GXYLT2: variants seen among roughly 807,000 people sequenced by gnomAD.
The protein encoded by GXYLT2 is glucoside xylosyltransferase 2, also known as glycosyltransferase 8 domain containing 4.
In GXYLT2, 53 loss-of-function variants were observed where a neutral mutation model predicts 45.8. The observed-to-expected ratio is 1.16, with a 90% CI of 0.93 to 1.46. The LOEUF (loss-of-function observed/expected upper bound fraction) is 1.46. Ranked by LOEUF, GXYLT2 falls within the 40% of genes most tolerant of loss-of-function variation. GXYLT2 has a pLI of 0.00. For missense variants in GXYLT2, 551 were observed against 544.4 expected, an observed-to-expected ratio of 1.01 and a Z score of -0.12; for synonymous variants, 219 against 214.2, an observed-to-expected ratio of 1.02 and a Z score of -0.19.
chr3:72,954,348 C>T (rs1056521380), intron 3 of GXYLT2, among the ~76,000 whole-genome samples: 3 of 150,486 alleles, frequency 2.0e-5, no homozygotes, highest in East Asian at 3.9e-4. Flanking sequence ...CCTCGTGATC[C>T]GCCTGCCTTG....
chr3:72,900,335 A>C (rs931413419), intron 1 of GXYLT2, among the ~76,000 whole-genome samples: 2 of 152,122 alleles, frequency 1.3e-5, no homozygotes, highest in African/African-American at 4.8e-5. Context: ...ATCATTTTTC[A>C]TTTGAGCATG....
At chr3:72,888,992 C>G (rs1242343198) in intron 1 of GXYLT2, among the ~76,000 whole-genome samples, 1 of 152,134 alleles carries the variant, frequency 6.6e-6, no homozygotes, top group Non-Finnish European at 1.5e-5. Flanking sequence ...GACACTTGAC[C>G]TAAGTTTATT....
chr3:72,888,564 C>G, intron 1 of GXYLT2, 56 bp downstream of exon 1: 1 of 1,097,926 alleles, frequency 9.1e-7, no homozygotes, highest in Non-Finnish European at 1.1e-6. Flanking sequence ...GCTCCCTACA[C>G]CCGTGCCAAG....
At chr3:72,892,451 C>T (rs1162691238) in intron 1 of GXYLT2, among the ~76,000 whole-genome samples, 2 of 152,118 alleles carry the variant, frequency 1.3e-5, no homozygotes, top group East Asian at 1.9e-4. Context: ...CCATTTTATT[C>T]CATAGTCATT....
At chr3:72,927,454 C>G (rs1473968960) in intron 3 of GXYLT2, among the ~76,000 whole-genome samples, 1 of 152,152 alleles carries the variant, frequency 6.6e-6, no homozygotes, top group Non-Finnish European at 1.5e-5. Context: ...GTTTTGAAAT[C>G]TGCATGCTTA....
intron 3 of GXYLT2, among the ~76,000 whole-genome samples, chr3:72,931,584 A>C (rs567222653): frequency 2.6e-5 from 4 of 152,226 alleles, no homozygotes; most frequent in African/African-American, 9.6e-5. Context: ...ACTACAAGGG[A>C]AACTACAATG....
intron 3 of GXYLT2, among the ~76,000 whole-genome samples, chr3:72,952,200 A>T (rs1003924080): frequency 6.6e-6 from 1 of 151,830 alleles, no homozygotes; most frequent in African/African-American, 2.4e-5. Context: ...ACAGGGTTTC[A>T]GCATATTGGC....
chr3:72,888,142 A>C lies in GXYLT2; in HGVS notation c.-92A>C, dbSNP rs1709100143. 1.2e-6 allele frequency: 1 copy of C among 867,718 alleles called. No homozygotes were observed. The highest frequency in any genetic ancestry group is 1.4e-6 in the Non-Finnish European group (1 of 726,406). The allele number at this position is 867,718 out of a possible 1,614,324, so 53.8% of individuals were successfully genotyped here. A position where few individuals can be genotyped will look rare whatever the true frequency, so the allele number is the denominator to read the frequency against. On this transcript the variant is annotated 5_prime_UTR_variant, in exon 1 of 7. Transcript: ENST00000389617. ...CCCCGGCGGGCGGGCGGAGGAGGCG[A>C]CCGCCGCGCGCTGCTGCACTCATCC...
At chr3:72,919,742 G>A (rs762380121) in intron 2 of GXYLT2, among the ~76,000 whole-genome samples, 11 of 152,310 alleles carry the variant, frequency 7.2e-5, no homozygotes, top group Middle Eastern at 3.4e-3. Context: ...ATGACAGCGC[G>A]AGACTCTGTC....
intron 3 of GXYLT2, among the ~76,000 whole-genome samples, chr3:72,924,068 A>G (rs1006543826): frequency 6.6e-6 from 1 of 152,168 alleles, no homozygotes; most frequent in Non-Finnish European, 1.5e-5. Context: ...GGGAAGGGCC[A>G]TGTTTAAGAA....
intron 3 of GXYLT2, among the ~76,000 whole-genome samples, chr3:72,923,772 G>A (rs374033127): frequency 2.6e-5 from 4 of 152,186 alleles, no homozygotes; most frequent in African/African-American, 9.6e-5. Flanking sequence ...GTCTGAGAGA[G>A]ATCATAGAAG....
chr3:72,916,561 A>G (rs1175518437), intron 2 of GXYLT2, among the ~76,000 whole-genome samples: 2 of 151,842 alleles, frequency 1.3e-5, no homozygotes. Flanking sequence ...TGTTTTTGAG[A>G]TAGAGTCTCG....
At chr3:72,937,039 T>A (rs73838425) in intron 3 of GXYLT2, among the ~76,000 whole-genome samples, 4,335 of 152,262 alleles carry the variant, frequency 0.028, 207 homozygotes, top group African/African-American at 0.098. Context: ...GTGGAGGACA[T>A]AGAGGAAGGA....
Position 72,888,127 on chromosome 3 carries a change from C to A in GXYLT2, c.-107C>A. The A allele has an allele frequency of 2.7e-6, 2 of 738,360 alleles. No individual in the cohort carries two copies. Among genetic ancestry groups the A allele is most frequent in the Non-Finnish European group, 1.6e-6 (1 of 606,656 alleles). The allele number at this position is 738,360 out of a possible 1,614,324, so 45.7% of individuals were successfully genotyped here. On this transcript the variant is annotated 5_prime_UTR_variant, in exon 1 of 7. Transcript: ENST00000389617. ...CGCCACGACCCCAGTCCCCGGCGGG[C>A]GGGCGGAGGAGGCGACCGCCGCGCG...
chr3:72,963,402 G>A (rs1007879049), intron 5 of GXYLT2, among the ~76,000 whole-genome samples: 2 of 151,918 alleles, frequency 1.3e-5, no homozygotes, highest in Admixed American at 1.3e-4. Flanking sequence ...GCGAAACCCT[G>A]TTTCTACTAA....
chr3:72,954,658 A>AAATG (rs1710599470), intron 3 of GXYLT2, among the ~76,000 whole-genome samples: 1 of 150,544 alleles, frequency 6.6e-6, no homozygotes, highest in South Asian at 2.1e-4. Flanking sequence ...ATAAATAAAT[A>AAATG]AATAAATAAA....
chr3:72,909,062 C>CTTTTT (rs71126804), intron 2 of GXYLT2, among the ~76,000 whole-genome samples: 1,525 of 90,976 alleles, frequency 0.017, 1 homozygote, highest in Non-Finnish European at 0.024. Context: ...TTCTTCCTTT[C>CTTTTT]TTTTTTTTTT....
chr3:72,902,236 A>G (rs1039258873), intron 1 of GXYLT2, among the ~76,000 whole-genome samples: 2 of 152,196 alleles, frequency 1.3e-5, no homozygotes, highest in African/African-American at 2.4e-5. Flanking sequence ...TACCTTCTAT[A>G]TTTAACATTC....
intron 2 of GXYLT2, among the ~76,000 whole-genome samples, chr3:72,914,768 C>T (rs1227376333): frequency 1.3e-5 from 2 of 152,008 alleles, no homozygotes; most frequent in African/African-American, 2.4e-5. Context: ...AAGATACCGA[C>T]GCCATAGAGC....
Sources: gnomAD v4.1 joint callset for allele counts (sites outside exome capture counted in the v4.1 genomes callset) on GRCh38, gnomAD v4.1.1 for gene constraint, MANE v1.5 for transcripts, NCBI Gene and HGNC (gene_info 2026-07-23, HGNC 2026-07-21) for gene names.